The following PIGG variants were observed in gnomAD, a reference collection of about 807,000 sequenced individuals.
PIGG encodes GPI ethanolamine phosphate transferase 2, catalytic subunit.
Under a neutral mutation model 83.2 loss-of-function variants are expected in PIGG, and 70 were observed. That is an observed-to-expected ratio of 0.84 (90% CI 0.69 to 1.03). The LOEUF (loss-of-function observed/expected upper bound fraction) is 1.03. Among genes scored for constraint, PIGG ranks in the 50% least tolerant of loss-of-function variants. The pLI, the probability that PIGG is intolerant of heterozygous loss-of-function variation, is 0.00. For missense variants in PIGG, 1,257 were observed against 1,233.6 expected (o/e 1.02, Z -0.28); for synonymous variants, 532 against 519.5 (o/e 1.02, Z -0.33).
chr4:512,695 A>G (rs13103050), intron 5 of PIGG, among the ~76,000 whole-genome samples: 114,785 of 151,358 alleles, frequency 0.76, 47,695 homozygotes, highest in Non-Finnish European at 0.91. Context: ...GGCGCCTGTA[A>G]TCCCAGCTAC....
At chr4:534,461 C>T (rs752786020) in intron 12 of PIGG, among the ~76,000 whole-genome samples, 24 of 152,186 alleles carry the variant, frequency 1.6e-4, no homozygotes, top group Non-Finnish European at 2.8e-4. Flanking sequence ...TCTTCTGAGT[C>T]GTCCTTGAGT....
chr4:525,269 C>T lies in PIGG; in HGVS notation c.2069+1356C>T, dbSNP rs151332706. 1.7e-4 allele frequency: 168 copies of T among 984,996 alleles called. No individual in the cohort carries two copies. In the East Asian group the frequency reaches 0.012, roughly 73 times the overall value. The allele number at this position is 984,996 out of a possible 1,614,324, so 61.0% of individuals were successfully genotyped here. A position where few individuals can be genotyped will look rare whatever the true frequency, so the allele number is the denominator to read the frequency against. On this transcript the variant is annotated intron_variant, in intron 9 of 12. Transcript: ENST00000453061. ...ATAGCAAATCATTTCAAGCAAGGCT[C>T]GAAATAAGTAGAAGAAACCAGGACA...
intron 6 of PIGG, among the ~76,000 whole-genome samples, chr4:517,014 CAG>C (rs1301498138): frequency 2.0e-5 from 3 of 152,024 alleles, no homozygotes; most frequent in African/African-American, 4.8e-5. Context: ...GGCGCACATT[CAG>C]GGGATGGTCA....
chr4:513,349 T>A (rs550016174), intron 5 of PIGG, among the ~76,000 whole-genome samples: 1 of 152,344 alleles, frequency 6.6e-6, no homozygotes, highest in East Asian at 1.9e-4. Flanking sequence ...GTTAAAATGC[T>A]TATTATTTTG....
At chr4:510,215 TAG>T (rs1214248916) in intron 5 of PIGG, among the ~76,000 whole-genome samples, 3 of 152,180 alleles carry the variant, frequency 2.0e-5, no homozygotes, top group Non-Finnish European at 2.9e-5. Flanking sequence ...AACCAGTCAT[TAG>T]CATTGGTTCT....
intron 12 of PIGG, among the ~76,000 whole-genome samples, chr4:534,744 T>C (rs751399963): frequency 7.4e-5 from 11 of 149,040 alleles, no homozygotes; most frequent in Non-Finnish European, 1.3e-4. Context: ...GTGCAGCCCC[T>C]CATCCACATC....
intron 11 of PIGG, 156 bp downstream of exon 11, chr4:530,901 C>T: frequency 1.6e-6 from 1 of 620,304 alleles, no homozygotes; most frequent in East Asian, 2.8e-5. Context: ...AGACAAAGTA[C>T]AGCCGGTTGT....
chr4:520,751 A>T (rs1297007296), intron 6 of PIGG, among the ~76,000 whole-genome samples: 1 of 152,258 alleles, frequency 6.6e-6, no homozygotes, highest in Non-Finnish European at 1.5e-5. Context: ...AGTAAGAGCG[A>T]TGAGGGAGGC....
intron 2 of PIGG, chr4:501,241 T>C (rs1462472111): frequency 2.3e-6 from 1 of 429,162 alleles, no homozygotes; most frequent in African/African-American, 2.1e-5. Context: ...GGGTATGCAA[T>C]TGGGGAAAAA....
intron 12 of PIGG, among the ~76,000 whole-genome samples, chr4:538,168 C>T (rs1004131021): frequency 7.1e-6 from 1 of 141,614 alleles, no homozygotes; most frequent in Non-Finnish European, 1.5e-5. Flanking sequence ...CTGGGGGCTG[C>T]CTCCGGGCCC....
rs1344259141 is a variant in PIGG, at chr4:520,702, A to G, written c.1115-354A>G. On this transcript the variant is annotated intron_variant, in intron 6 of 12. Transcript: ENST00000453061. ...ATTGTTTTTATATTGCACGTTGACA[A>G]GAAGGAGAGAGTGGAAAGAGACAGA... Among the ~76,000 whole-genome samples, 5 of 152,178 alleles carry G rather than the reference A, an allele frequency of 3.3e-5. 1 individual carries two copies. The highest frequency in any genetic ancestry group is 1.3e-4 in the Admixed American group (2 of 15,276).
chr4:527,045 C>T lies in PIGG; in HGVS notation c.2076C>T (p.Asp692=). 2 of 1,614,152 alleles carry T rather than the reference C, an allele frequency of 1.2e-6. No homozygotes were observed. The highest frequency in any genetic ancestry group is 1.7e-6 in the Non-Finnish European group (2 of 1,180,010). Residue 692 remains aspartate (D), a synonymous_variant, in exon 10 of 13, where the codon GAC becomes GAT. Coordinates refer to ENST00000453061, the MANE Select transcript of PIGG (RefSeq NM_001127178.3). The part of the protein sequence containing the change: ...PDLGHWLTSS[D]HKAELSVLAA... ...ATTTTCCATCTCATTTCAGCTCTGA[C>T]CACAAAGCCGAGCTCTCTGTCCTGG... is the stretch of plus-strand genomic sequence containing the variant.
chr4:530,778 T>C (rs775030006), intron 11 of PIGG, 33 bp downstream of exon 11: 2 of 1,350,726 alleles, frequency 1.5e-6, no homozygotes, highest in Non-Finnish European at 2.1e-6. Context: ...GGTAGTAGAC[T>C]TCATGTTTTA....
chr4:512,774 C>A (rs543021804), intron 5 of PIGG, among the ~76,000 whole-genome samples: 2 of 152,038 alleles, frequency 1.3e-5, no homozygotes, highest in Admixed American at 6.5e-5. Context: ...GAGATCGCAC[C>A]ACTGCACTCC....
At chr4:521,302 G>A in intron 7 of PIGG, 29 bp downstream of exon 7, 1 of 1,483,100 alleles carries the variant, frequency 6.7e-7, no homozygotes, top group South Asian at 1.2e-5. Context: ...TCATGGCTCA[G>A]GTGTTGCATT....
At chr4:503,354 G>C (rs1718431552) in intron 2 of PIGG, among the ~76,000 whole-genome samples, 1 of 152,172 alleles carries the variant, frequency 6.6e-6, no homozygotes. Context: ...GCTCTGCCCA[G>C]TTTGAACACT....
At chr4:539,083 A>G in intron 12 of PIGG, 70 bp from the exon 13 acceptor site, 3 of 1,023,172 alleles carry the variant, frequency 2.9e-6, no homozygotes, top group Non-Finnish European at 4.6e-6. Flanking sequence ...CTTTTTGAAA[A>G]TAAAAGTGTT....
At chr4:509,575 C>T (rs189811384) in intron 5 of PIGG, among the ~76,000 whole-genome samples, 2 of 152,368 alleles carry the variant, frequency 1.3e-5, no homozygotes, top group East Asian at 3.9e-4. Context: ...GTGAGCTCAG[C>T]GGTAATTTCT....
chr4:521,273 G>A lies in PIGG; in HGVS notation c.1332G>A (p.Glu444=). ...TGGTGGGGACTGTCGTGGTTTTGGA[G>A]GTACAGATGCTCACACAGTCATGGC... ...SMMVGTVVVL[E]VLTLLLLSVP... Residue 444 remains glutamate, a splice_region_variant and synonymous_variant, in exon 7 of 13, where the codon GAG becomes GAA. Transcript: ENST00000453061. 6.2e-7 allele frequency: 1 copy of A among 1,605,246 alleles called. No homozygotes were observed. The highest frequency in any genetic ancestry group is 8.5e-7 in the Non-Finnish European group (1 of 1,172,220).
Sources: gnomAD v4.1 joint callset for allele counts (sites outside exome capture counted in the v4.1 genomes callset) on GRCh38, gnomAD v4.1.1 for gene constraint, MANE v1.5 for transcripts, NCBI Gene and HGNC (gene_info 2026-07-23, HGNC 2026-07-21) for gene names.